PKD1L1: variants seen among roughly 807,000 people sequenced by gnomAD.
The protein encoded by PKD1L1 is polycystin 1 like 1, transient receptor potential channel interacting, also known as polycystin-1-like protein 1.
A neutral mutation model predicts 323.4 loss-of-function variants in PKD1L1; 236 were observed. The observed-to-expected ratio is 0.73, with a 90% CI of 0.66 to 0.81. The LOEUF (loss-of-function observed/expected upper bound fraction) is 0.81. PKD1L1 is among the 40% of genes least tolerant of loss of function. The pLI, the probability that PKD1L1 is intolerant of heterozygous loss-of-function variation, is 0.00. For missense variants in PKD1L1, 3,320 were observed against 3,508.0 expected, an observed-to-expected ratio of 0.95 and a Z score of 1.35; for synonymous variants, 1,344 against 1,335.0, an observed-to-expected ratio of 1.01 and a Z score of -0.15.
intron 24 of PKD1L1, among the ~76,000 whole-genome samples, chr7:47,869,971 AC>A (rs1172196294): frequency 6.6e-6 from 1 of 152,150 alleles, no homozygotes; most frequent in Non-Finnish European, 1.5e-5. Flanking sequence ...AAAGTAAAAA[AC>A]ATACTCCTAA....
chr7:47,890,532 G>A lies in PKD1L1; in HGVS notation c.2675+10C>T. 6.2e-7 allele frequency: 1 copy of A among 1,613,174 alleles called. No individual in the cohort carries two copies. Among genetic ancestry groups the A allele is most frequent in the South Asian group, 1.1e-5 (1 of 91,046 alleles). On this transcript the variant is annotated intron_variant, in intron 16 of 56. Coordinates refer to ENST00000289672, the MANE Select transcript of PKD1L1 (RefSeq NM_138295.5). ...GTGAGCTGAGCTGTGCTGAATACAG[G>A]GTCAGGTACCTGAACGCCGAGTCAG... is the stretch of plus-strand genomic sequence containing the variant.
At chr7:47,854,691 GAATTCAAACTC>G (rs1241314563) in intron 30 of PKD1L1, among the ~76,000 whole-genome samples, 180 bp downstream of exon 30, 1 of 152,138 alleles carries the variant, frequency 6.6e-6, no homozygotes, top group Non-Finnish European at 1.5e-5. Flanking sequence ...TAACAGGCAG[GAATTCAAACTC>G]AAAAACCAAA....
intron 22 of PKD1L1, 35 bp downstream of exon 22, chr7:47,877,454 G>A (rs765967234): frequency 5.0e-6 from 8 of 1,609,486 alleles, no homozygotes; most frequent in Non-Finnish European, 6.8e-6. Context: ...CACTGTCGGG[G>A]GTCTCTCAGG....
Position 47,833,165 on chromosome 7 carries a change from G to C in PKD1L1, c.6262C>G (p.Leu2088Val). The stretch of plus-strand genomic sequence containing the variant: ...CTGTGGTCAGCCCCATGAACCTGCA[G>C]CTTAGGGGCTGGACAAGCTGTGCCA... Reference protein sequence around the residue: ...DNGTACPAPKLQVHGADHSRT... With the variant: ...DNGTACPAPKVQVHGADHSRT... The change falls in exon 41 of 57, where the codon CTG becomes GTG. Residue 2088 changes from leucine (L) to valine (V), a missense_variant. By Grantham distance (32) the Leu-to-Val change is conservative (BLOSUM62 1). Coordinates refer to ENST00000289672, the MANE Select transcript of PKD1L1 (RefSeq NM_138295.5). 6.2e-7 allele frequency: 1 copy of C among 1,612,862 alleles called. No individual in the cohort carries two copies. The highest frequency in any genetic ancestry group is 1.1e-5 in the South Asian group (1 of 90,580).
rs148549783 is a variant in PKD1L1, at chr7:47,885,826, G to A, written c.3065C>T (p.Ala1022Val). ...CTCCCCCAGGACTGCAGAGTCCCCC[G>A]CAGGAGGAATCCAGTAGACTCCAGT... is the stretch of plus-strand genomic sequence containing the variant. ...PMTGVYWIPP[A>V]GDSAVLGEAP... The change falls in exon 18 of 57, where the codon GCG becomes GTG. Residue 1022 changes from alanine (A) to valine (V), a missense_variant. Ala to Val is a moderately conservative substitution (Grantham distance 64). Transcript: ENST00000289672. 8.7e-5 allele frequency: 140 copies of A among 1,614,170 alleles called. No individual in the cohort carries two copies. The African/African-American group carries it at 1.3e-3, about 15-fold the overall frequency.
intron 44 of PKD1L1, 25 bp from the exon 45 acceptor site, chr7:47,827,493 G>A (rs372607880): frequency 1.3e-5 from 20 of 1,582,572 alleles, no homozygotes; most frequent in African/African-American, 2.7e-5. Context: ...AGTGCTGTGA[G>A]CTGCGGGCTG....
At chr7:47,803,394 G>A (rs780422407) in intron 52 of PKD1L1, 50 bp from the exon 53 acceptor site, 78 of 1,602,112 alleles carry the variant, frequency 4.9e-5, no homozygotes, top group Non-Finnish European at 6.6e-5. Flanking sequence ...TCACTGAAAG[G>A]TGCAGACATA....
In PKD1L1 at chr7:47,932,062, T is replaced by A. The variant is rs201106567; in HGVS notation, c.399-6A>T. The A allele has an allele frequency of 8.1e-6, 13 of 1,602,300 alleles. No individual in the cohort carries two copies. Among genetic ancestry groups the A allele is most frequent in the African/African-American group, 2.7e-5 (2 of 74,326 alleles). ...TGAAAGGTTTGTGGGGAATTCTGTA[T>A]GGGAAGGAAAGTGCAGAAAGAAAAG... On this transcript the variant is annotated splice_region_variant and splice_polypyrimidine_tract_variant and intron_variant, in intron 4 of 56. Coordinates refer to ENST00000289672, the MANE Select transcript of PKD1L1 (RefSeq NM_138295.5).
chr7:47,956,837 C>G, the PKD1L1 span: 1 of 157,892 alleles, frequency 6.3e-6, no homozygotes, highest in African/African-American at 2.4e-5. Flanking sequence ...TGATGATGAT[C>G]AACCCAGAGG....
Position 47,946,531 on chromosome 7 carries a change from A to G in PKD1L1, c.44+1866T>C, listed in dbSNP as rs953581204. Among the ~76,000 whole-genome samples the G allele has an allele frequency of 6.6e-6, 1 of 150,980 alleles. No individual in the cohort carries two copies. Among genetic ancestry groups the G allele is most frequent in the Non-Finnish European group, 1.5e-5 (1 of 67,710 alleles). On this transcript the variant is annotated intron_variant, in intron 1 of 56. Transcript: ENST00000289672. This position sits in a 1 kb window ranked among gnomAD's most constrained non-coding sequence, Gnocchi z 4.1. Reference sequence around the variant, plus strand: ...CCATACACACAAACACCACACACACACCAACACATTACACACACATCACAC... The same window carrying G: ...CCATACACACAAACACCACACACACGCCAACACATTACACACACATCACAC...
intron 56 of PKD1L1, among the ~76,000 whole-genome samples, chr7:47,783,551 T>C (rs1434601954): frequency 6.6e-6 from 1 of 152,224 alleles, no homozygotes; most frequent in Non-Finnish European, 1.5e-5. Flanking sequence ...ATTTTGCTGA[T>C]GATCAAGCTA....
intron 2 of PKD1L1, among the ~76,000 whole-genome samples, chr7:47,940,554 C>T (rs752256605): frequency 2.3e-4 from 35 of 152,178 alleles, no homozygotes; most frequent in Non-Finnish European, 4.4e-4. Flanking sequence ...TATGAGGAAA[C>T]GCACAACCAC....
At chr7:47,775,227 C>A (rs1168149275) in intron 56 of PKD1L1, 61 bp from the exon 57 acceptor site, 2 of 1,603,002 alleles carry the variant, frequency 1.2e-6, no homozygotes, top group Non-Finnish European at 1.7e-6. Context: ...ATTGACAGAA[C>A]AAATAGGCAG....
At chr7:47,866,359 T>A (rs956463291) in intron 25 of PKD1L1, 60 bp downstream of exon 25, 3 of 1,539,514 alleles carry the variant, frequency 1.9e-6, no homozygotes, top group Middle Eastern at 1.8e-4. Flanking sequence ...CAGCCAGTCA[T>A]GAGCCCTGCC....
chr7:47,956,801 A>G, the PKD1L1 span: 1 of 154,786 alleles, frequency 6.5e-6, no homozygotes, highest in South Asian at 2.0e-4. Context: ...AAAATAACTC[A>G]GGAACTGATA....
At chr7:47,818,322 C>A in intron 46 of PKD1L1, 1 of 623,292 alleles carries the variant, frequency 1.6e-6, no homozygotes, top group Non-Finnish European at 2.3e-6. Context: ...GGTGAATTTT[C>A]AACAGAGGAA....
chr7:47,841,095 T>C (rs959421259), intron 34 of PKD1L1, among the ~76,000 whole-genome samples: 1 of 152,248 alleles, frequency 6.6e-6, no homozygotes, highest in African/African-American at 2.4e-5. Context: ...AAGAAAGATA[T>C]TTCTGTTTCT....
At chr7:47,949,057 G>C (rs528064582), upstream of PKD1L1, among the ~76,000 whole-genome samples, 2 of 152,122 alleles carry the variant, frequency 1.3e-5, no homozygotes, top group African/African-American at 2.4e-5. Flanking sequence ...TGGAAGCTGA[G>C]AGAAGTCTGA....
At chr7:47,944,182 A>T (rs1256961239) in intron 1 of PKD1L1, among the ~76,000 whole-genome samples, 1 of 152,048 alleles carries the variant, frequency 6.6e-6, no homozygotes, top group African/African-American at 2.4e-5. Context: ...AGGTGTTTGG[A>T]TCACGGGGGC....
Sources: allele counts gnomAD v4.1 joint callset (sites outside exome capture counted in the v4.1 genomes callset), GRCh38; gene constraint gnomAD v4.1.1; non-coding constraint Gnocchi (gnomAD v3.1); transcripts MANE v1.5; gene names NCBI Gene and HGNC (gene_info 2026-07-23, HGNC 2026-07-21).